NACC2: variants seen among roughly 807,000 people sequenced by gnomAD.
The protein encoded by NACC2 is nucleus accumbens-associated protein 2.
NACC2 carries 8 observed loss-of-function variants against 25.1 expected under a neutral mutation model. The ratio of observed to expected loss-of-function variants is 0.32; its 90% CI spans 0.19 to 0.57. NACC2 has a LOEUF of 0.57. NACC2 is among the 20% of genes least tolerant of loss of function. NACC2 has a pLI of 0.89. For synonymous variants in NACC2, 435 were observed against 294.7 expected (o/e 1.48, Z -4.88); for missense variants, 644 against 650.2 (o/e 0.99, Z 0.10).
At chr9:136,039,994 A>G (rs1840603873) in intron 2 of NACC2, among the ~76,000 whole-genome samples, 1 of 152,224 alleles carries the variant, frequency 6.6e-6, no homozygotes, top group African/African-American at 2.4e-5. Context: ...GAAAGCTATT[A>G]GAACTAATCA....
intron 2 of NACC2, among the ~76,000 whole-genome samples, chr9:136,023,306 G>A (rs578028756): frequency 3.0e-4 from 45 of 151,854 alleles, no homozygotes; most frequent in Admixed American, 6.6e-4. Flanking sequence ...TGCTCCCGAC[G>A]CGAGGGGCCG....
intron 1 of NACC2, among the ~76,000 whole-genome samples, chr9:136,069,238 G>A (rs1841122478): frequency 1.3e-5 from 2 of 151,618 alleles, no homozygotes; most frequent in Middle Eastern, 3.2e-3. Context: ...GCATATAGCT[G>A]AGTCATATTT....
At chr9:136,094,424 A>G (rs1830465639) in intron 1 of NACC2, among the ~76,000 whole-genome samples, 1 of 152,144 alleles carries the variant, frequency 6.6e-6, no homozygotes, top group Admixed American at 6.5e-5. Context: ...CGATCCCAGC[A>G]AGAGAAGCAG....
At chr9:136,033,612 G>A (rs1564225340) in intron 2 of NACC2, among the ~76,000 whole-genome samples, 2 of 131,390 alleles carry the variant, frequency 1.5e-5, no homozygotes, top group African/African-American at 5.8e-5. Flanking sequence ...ATCTGCCACT[G>A]CACTCCAGCC....
Position 136,019,691 on chromosome 9 carries a change from G to C in NACC2, c.887-3262C>G, listed in dbSNP as rs1264766625. On this transcript the variant is annotated intron_variant, in intron 2 of 5. Coordinates refer to ENST00000277554, the MANE Select transcript of NACC2 (RefSeq NM_144653.5). The surrounding 1 kb of genome is among the most constrained non-coding windows in gnomAD (Gnocchi z 5.2). ...CGGGCAGCAGGGCCCAGCTACTGAGGGTAGGCAGGTGGGCAGCCTCCCTGG... is the reference window on the plus strand; with the variant it reads ...CGGGCAGCAGGGCCCAGCTACTGAGCGTAGGCAGGTGGGCAGCCTCCCTGG... 6.6e-6 allele frequency among the ~76,000 whole-genome samples: 1 copy of C among 152,138 alleles called. No individual in the cohort carries two copies. Among genetic ancestry groups the C allele is most frequent in the Non-Finnish European group, 1.5e-5 (1 of 68,020 alleles).
intron 1 of NACC2, among the ~76,000 whole-genome samples, chr9:136,054,720 C>T (rs1045490497): frequency 2.6e-5 from 4 of 152,138 alleles, no homozygotes; most frequent in African/African-American, 9.6e-5. Flanking sequence ...CTTTGCTTCC[C>T]AAGCAACACC....
intron 2 of NACC2, among the ~76,000 whole-genome samples, chr9:136,043,826 G>T (rs1419121884): frequency 1.3e-5 from 2 of 152,122 alleles, no homozygotes; most frequent in Non-Finnish European, 2.9e-5. Flanking sequence ...AAATACTTTT[G>T]GTTTTTGTTT....
intron 2 of NACC2, among the ~76,000 whole-genome samples, chr9:136,028,127 G>A (rs1450231622): frequency 1.3e-5 from 2 of 151,736 alleles, no homozygotes; most frequent in African/African-American, 4.8e-5. Context: ...TGGGCATAAT[G>A]GCAGGTGCCT....
intron 1 of NACC2, among the ~76,000 whole-genome samples, chr9:136,083,009 A>C (rs11793070): frequency 0.032 from 4,886 of 151,300 alleles, 109 homozygotes; most frequent in Non-Finnish European, 0.052. Context: ...CTTCTGCCCC[A>C]TTAGACATCT....
intron 5 of NACC2, among the ~76,000 whole-genome samples, chr9:136,012,368 C>T (rs1471725898): frequency 2.6e-5 from 4 of 152,226 alleles, no homozygotes; most frequent in East Asian, 1.9e-4. Flanking sequence ...GTCCCCCTTT[C>T]GGGAATAACA....
chr9:136,036,299 A>T (rs1840551662), intron 2 of NACC2, among the ~76,000 whole-genome samples: 1 of 152,234 alleles, frequency 6.6e-6, no homozygotes. Flanking sequence ...AGAATCAAGG[A>T]CGGCAACTTG....
intron 2 of NACC2, among the ~76,000 whole-genome samples, chr9:136,039,496 G>A (rs1229157648): frequency 6.6e-6 from 1 of 152,066 alleles, no homozygotes; most frequent in Admixed American, 6.6e-5. Flanking sequence ...AGCATAATGT[G>A]GATACCAAAA....
At chr9:136,065,265 G>A (rs551331530) in intron 1 of NACC2, among the ~76,000 whole-genome samples, 63 of 152,144 alleles carry the variant, frequency 4.1e-4, no homozygotes, top group African/African-American at 1.4e-3. Flanking sequence ...CAGGAGTATC[G>A]CTTGAGCCCA....
chr9:136,007,423 GCACACATACA>G lies in NACC2; in HGVS notation c.*4083_*4092del, dbSNP rs551408560. 1 of 134,938 alleles carries G rather than the reference GCACACATACA, an allele frequency of 7.4e-6. No individual in the cohort carries two copies. Among genetic ancestry groups the G allele is most frequent in the African/African-American group, 2.6e-5 (1 of 38,750 alleles). 8.4% of individuals were successfully genotyped at this position (134,938 alleles called of 1,614,324 possible). On this transcript the variant is annotated 3_prime_UTR_variant, in exon 6 of 6. Transcript: ENST00000277554. ...CACGCACGTGCACACAGACGCGCGT[GCACACATACA>G]CACAGACGCGCACACACACGCGCAC...
chr9:136,073,584 C>T (rs995067458), intron 1 of NACC2, among the ~76,000 whole-genome samples: 3 of 151,820 alleles, frequency 2.0e-5, no homozygotes, highest in African/African-American at 4.8e-5. Context: ...CAATTGGTCT[C>T]GAATGCCAAA....
At chr9:136,067,448 A>C (rs935592904) in intron 1 of NACC2, among the ~76,000 whole-genome samples, 2 of 152,066 alleles carry the variant, frequency 1.3e-5, no homozygotes, top group African/African-American at 4.8e-5. Context: ...AACGACGGGG[A>C]TATATCCTGA....
At chr9:136,063,001 T>C (rs1355045143) in intron 1 of NACC2, among the ~76,000 whole-genome samples, 2 of 152,244 alleles carry the variant, frequency 1.3e-5, no homozygotes, top group Non-Finnish European at 2.9e-5. Flanking sequence ...CCCATGCCTG[T>C]CTTCTTGTGT....
At chr9:136,074,362 A>G in intron 1 of NACC2, among the ~76,000 whole-genome samples, 1 of 145,638 alleles carries the variant, frequency 6.9e-6, no homozygotes, top group Non-Finnish European at 1.5e-5. Flanking sequence ...CTGAGGCAGG[A>G]GAATGGAGTG....
intron 5 of NACC2, 44 bp from the exon 6 acceptor site, chr9:136,012,068 G>T (rs771004089): frequency 6.8e-7 from 1 of 1,471,668 alleles, no homozygotes; most frequent in Admixed American, 2.2e-5. Flanking sequence ...TGCCTGCCGG[G>T]AGGCCCGCCC....
Sources: gnomAD v4.1 joint callset for allele counts (sites outside exome capture counted in the v4.1 genomes callset) on GRCh38, gnomAD v4.1.1 for gene constraint, Gnocchi (gnomAD v3.1) non-coding constraint, MANE v1.5 for transcripts, NCBI Gene and HGNC (gene_info 2026-07-23, HGNC 2026-07-21) for gene names.